Variants in POGZ observed in about 807,000 individuals in gnomAD.
POGZ encodes the protein pogo transposable element derived with ZNF domain, also known as pogo transposable element with ZNF domain.
POGZ carries 17 observed loss-of-function variants against 134.6 expected under a neutral mutation model. The observed-to-expected ratio is 0.13, with a 90% CI of 0.09 to 0.19. The LOEUF is 0.19. POGZ is among the 10% of genes least tolerant of loss of function. POGZ has a pLI of 1.00. For synonymous variants in POGZ, 693 were observed against 657.1 expected, an observed-to-expected ratio of 1.05 and a Z score of -0.84; for missense variants, 1,306 against 1,769.7, an observed-to-expected ratio of 0.74 and a Z score of 4.70.
At chr1:151,413,115 T>C (rs1412014952) in intron 10 of POGZ, among the ~76,000 whole-genome samples, 2 of 149,436 alleles carry the variant, frequency 1.3e-5, no homozygotes, top group Non-Finnish European at 3.0e-5. Flanking sequence ...TTTTTTTTTT[T>C]TTTTTTTTTT....
chr1:151,428,031 G>A lies in POGZ; in HGVS notation c.870C>T (p.Phe290=), dbSNP rs1207091256. Residue 290 remains phenylalanine (F), a synonymous_variant, in exon 7 of 19, where the codon TTC becomes TTT. Coordinates refer to ENST00000271715, the MANE Select transcript of POGZ (RefSeq NM_015100.4). ...CAATGCTCACTGCAGGTGGAGAGGG[G>A]AAGGAGGGAGCTACGGTGACCAAGT... ...QTTNPKLAPS[F]PSPPAVSIAS... is the part of the protein sequence containing the mutation. The A allele has an allele frequency of 9.3e-6, 15 of 1,614,070 alleles. No homozygotes were observed. Among genetic ancestry groups the A allele is most frequent in the Non-Finnish European group, 1.2e-5 (14 of 1,180,020 alleles).
intron 4 of POGZ, among the ~76,000 whole-genome samples, 172 bp from the exon 5 acceptor site, chr1:151,429,883 C>T (rs1226421738): frequency 6.6e-6 from 1 of 152,072 alleles, no homozygotes; most frequent in Non-Finnish European, 1.5e-5. Flanking sequence ...TTCTGGCAAA[C>T]TTTTGAGAGA....
chr1:151,422,133 G>C (rs1341830125), intron 10 of POGZ, among the ~76,000 whole-genome samples: 1 of 152,132 alleles, frequency 6.6e-6, no homozygotes, highest in Non-Finnish European at 1.5e-5. Flanking sequence ...CTATGCTTTT[G>C]ATCATGCTGT....
chr1:151,412,443 A>G (rs1391647176), intron 10 of POGZ, 47 bp from the exon 11 acceptor site: 1 of 1,022,534 alleles, frequency 9.8e-7, no homozygotes, highest in Non-Finnish European at 1.5e-6. Context: ...AATAAGACAA[A>G]AGTCCTGCTG....
rs2102278003 is a variant in POGZ at position 151,425,002 on chromosome 1, A to G, written c.1138T>C (p.Cys380Arg). ...TCAGTAACACGAAATTGAGCATTAC[A>G]TCGTGGACATATTTTCCGTCCACCA... ...QDGGRKICPRCNAQFRVTEAL... is the reference protein window; with the variant it reads ...QDGGRKICPRRNAQFRVTEAL... Residue 380 changes from cysteine to arginine, a missense_variant, in exon 8 of 19, where the codon TGT becomes CGT. Coordinates refer to ENST00000271715, the MANE Select transcript of POGZ (RefSeq NM_015100.4). The G allele has an allele frequency of 6.3e-7, 1 of 1,599,442 alleles. No homozygotes were observed. Among genetic ancestry groups the G allele is most frequent in the Non-Finnish European group, 8.5e-7 (1 of 1,170,130 alleles).
At chr1:151,409,700 C>T (rs1654330536) in intron 12 of POGZ, among the ~76,000 whole-genome samples, 2 of 152,112 alleles carry the variant, frequency 1.3e-5, no homozygotes, top group South Asian at 4.1e-4. Flanking sequence ...GGCTGGACTC[C>T]ACCTCCTGGG....
chr1:151,430,960 G>T lies in POGZ; in HGVS notation c.284-119C>A, dbSNP rs1658597037. The T allele has an allele frequency of 9.1e-6, 5 of 546,500 alleles. No homozygotes were observed. The East Asian group carries it at 2.7e-4, about 29-fold the overall frequency. 33.9% of individuals were successfully genotyped at this position (546,500 alleles called of 1,614,324 possible). A position where few individuals can be genotyped will look rare whatever the true frequency, so the allele number is the denominator to read the frequency against. On this transcript the variant is annotated intron_variant, in intron 3 of 18. Coordinates refer to ENST00000271715, the MANE Select transcript of POGZ (RefSeq NM_015100.4). ...TTTATTTTATTTTATTTGATACAGG[G>T]TCTCACACTCTGTCACCCAGGCTGG... is the stretch of plus-strand genomic sequence containing the variant.
At chr1:151,414,051 C>T (rs376258004) in intron 10 of POGZ, among the ~76,000 whole-genome samples, 2 of 152,134 alleles carry the variant, frequency 1.3e-5, no homozygotes, top group African/African-American at 4.8e-5. Context: ...TCTACAGGTA[C>T]ATTAGGTGCT....
Position 151,428,398 on chromosome 1 carries a change from A to C in POGZ, c.584T>G (p.Phe195Cys), listed in dbSNP as rs1338692189. Residue 195 changes from phenylalanine to cysteine, a missense_variant, in exon 6 of 19, where the codon TTT becomes TGT. Coordinates refer to ENST00000271715, the MANE Select transcript of POGZ (RefSeq NM_015100.4). Reference sequence around the variant, plus strand: ...TGGAACTCCAACTGTCGGCTTAACAAACTGGGTACCTGGGGCTTTAAAAGA... The same window carrying C: ...TGGAACTCCAACTGTCGGCTTAACACACTGGGTACCTGGGGCTTTAAAAGA... The part of the protein sequence containing the change: ...ITLVPAPGTQ[F>C]VKPTVGVPQV... 6.2e-7 allele frequency: 1 copy of C among 1,613,756 alleles called. No homozygotes were observed. Among genetic ancestry groups the C allele is most frequent in the Non-Finnish European group, 8.5e-7 (1 of 1,179,666 alleles).
At chr1:151,407,158 T>C (rs552638075) in intron 16 of POGZ, 77 bp downstream of exon 16, 1 of 1,256,640 alleles carries the variant, frequency 8.0e-7, no homozygotes, top group Admixed American at 2.0e-5. Context: ...CATAACCACC[T>C]CTCCAAATAA....
In POGZ at chr1:151,406,185, T is replaced by A. The variant is rs1357494150; in HGVS notation, c.2850A>T (p.Pro950=). 1.2e-6 allele frequency: 2 copies of A among 1,614,156 alleles called. No homozygotes were observed. The highest frequency in any genetic ancestry group is 1.1e-5 in the South Asian group (1 of 91,070). The change falls in exon 19 of 19, where the codon CCA becomes CCT. Residue 950 remains proline, a synonymous_variant. Transcript: ENST00000271715. The stretch of plus-strand genomic sequence containing the variant: ...ATGCTAGCTCAGGTTCTTGGGTGAC[T>A]GGGCTCCCTTCATCCTGATCATCAA... ...LNVDDQDEGS[P]VTQEPELASG...
intron 10 of POGZ, among the ~76,000 whole-genome samples, chr1:151,413,311 G>C (rs1022134539): frequency 6.6e-6 from 1 of 151,642 alleles, no homozygotes; most frequent in African/African-American, 2.4e-5. Context: ...GTAGGGACAG[G>C]GTCTCGCCAT....
chr1:151,445,578 A>T (rs1276391969), intron 1 of POGZ, among the ~76,000 whole-genome samples: 1 of 139,758 alleles, frequency 7.2e-6, no homozygotes, highest in Non-Finnish European at 1.6e-5. Flanking sequence ...AAAAAAAGAA[A>T]ATCCAACTTA....
chr1:151,432,541 G>T (rs1373699843), intron 3 of POGZ, among the ~76,000 whole-genome samples: 1 of 152,112 alleles, frequency 6.6e-6, no homozygotes, highest in East Asian at 1.9e-4. Flanking sequence ...TCTATGGTGG[G>T]TTTTTTAAAT....
At position 151,406,203 on chromosome 1, in the gene POGZ, A is replaced by T; in HGVS notation, c.2832T>A (p.Asp944Glu). 6.2e-7 allele frequency: 1 copy of T among 1,614,102 alleles called. No individual in the cohort carries two copies. The highest frequency in any genetic ancestry group is 8.5e-7 in the Non-Finnish European group (1 of 1,180,022). The change falls in exon 19 of 19, where the codon GAT (aspartate) becomes GAA (glutamate). Residue 944 changes from aspartate (D) to glutamate (E), a missense_variant. Around this residue, in one of 10 missense-constraint regions of POGZ, gnomAD observed 214 missense variants for 255.5 expected, o/e 0.84. Transcript: ENST00000271715. ...GGGTGACTGGGCTCCCTTCATCCTG[A>T]TCATCAACATTCAGACATTCGGCTC... Reference protein sequence around the residue: ...TEGAECLNVDDQDEGSPVTQE... With the variant: ...TEGAECLNVDEQDEGSPVTQE...
rs1211068677 is a variant in POGZ, at chr1:151,406,622, C to G, written c.2555G>C (p.Trp852Ser). The change falls in exon 18 of 19, where the codon TGG becomes TCG. Residue 852 changes from tryptophan (W) to serine (S), a missense_variant. Trp to Ser is a radical substitution (Grantham distance 177). This residue lies in a region of POGZ where 214 missense variants were observed against 255.5 expected (regional missense o/e 0.84). Coordinates refer to ENST00000271715, the MANE Select transcript of POGZ (RefSeq NM_015100.4). ...SSSILPRGLT[W>S]IAHSRHGQTR... is the part of the protein sequence containing the mutation. ...TTTTTGTTACCTTGAGTGAGCTATC[C>G]AAGTGAGTCCTATGGAAAATGAAAC... 1 of 1,609,816 alleles carries G rather than the reference C, an allele frequency of 6.2e-7. No homozygotes were observed. Among genetic ancestry groups the G allele is most frequent in the African/African-American group, 1.3e-5 (1 of 74,748 alleles).
At chr1:151,447,873 T>C (rs1661499441) in intron 1 of POGZ, among the ~76,000 whole-genome samples, 2 of 152,078 alleles carry the variant, frequency 1.3e-5, no homozygotes, top group South Asian at 4.2e-4. Context: ...TTCAGTTGGC[T>C]GCTGAGTCCT....
rs1374369032 is a variant in POGZ, at chr1:151,442,252, T to C, written c.-1-47A>G. 1.9e-6 allele frequency: 3 copies of C among 1,557,294 alleles called. No homozygotes were observed. In the Admixed American group the frequency reaches 5.4e-5, roughly 28 times the overall value. ...AAGATATGGGCCTAAGAATAGGAGA[T>C]ATTGCTTTATACCAAATATGAAATC... is the stretch of plus-strand genomic sequence containing the variant. On this transcript the variant is annotated intron_variant, in intron 1 of 18. Coordinates refer to ENST00000271715, the MANE Select transcript of POGZ (RefSeq NM_015100.4).
In POGZ at chr1:151,411,789, G is replaced by C. The variant is rs1434152880; in HGVS notation, c.1780-18C>G. ...TGACACACCTGAGTCACATAGGAGG[G>C]AAAATAAGGCTAAGAATGAAGTGAA... is the stretch of plus-strand genomic sequence containing the variant. On this transcript the variant is annotated intron_variant, in intron 11 of 18. Transcript: ENST00000271715. The C allele has an allele frequency of 6.3e-7, 1 of 1,595,476 alleles. No individual in the cohort carries two copies. Among genetic ancestry groups the C allele is most frequent in the Non-Finnish European group, 8.5e-7 (1 of 1,171,566 alleles).
Sources: allele counts gnomAD v4.1 joint callset (sites outside exome capture counted in the v4.1 genomes callset), GRCh38; gene constraint gnomAD v4.1.1; regional missense constraint gnomAD v4.1.1; transcripts MANE v1.5; gene names NCBI Gene and HGNC (gene_info 2026-07-23, HGNC 2026-07-21).